The following JAK1 variants were observed in gnomAD, a reference collection of about 807,000 sequenced individuals.
JAK1 encodes the protein tyrosine-protein kinase JAK1.
Under a neutral mutation model 136.6 loss-of-function variants are expected in JAK1, and 16 were observed. The ratio of observed to expected loss-of-function variants is 0.12; its 90% confidence interval spans 0.08 to 0.18. The LOEUF (loss-of-function observed/expected upper bound fraction) is 0.18, where lower values mean the gene tolerates loss of function less well. JAK1 is among the 10% of genes least tolerant of loss of function. The pLI is 1.00. For synonymous variants in JAK1, 492 were observed against 519.5 expected (o/e 0.95, Z 0.72); for missense variants, 859 against 1,450.1 (o/e 0.59, Z 6.62).
intron 1 of JAK1, among the ~76,000 whole-genome samples, chr1:64,913,468 C>G (rs1288315886): frequency 2.6e-5 from 4 of 152,162 alleles, no homozygotes; most frequent in African/African-American, 9.6e-5. Flanking sequence ...GTGCCAGCCT[C>G]TGTGCTAGAA....
At position 64,898,050 on chromosome 1, in the gene JAK1, C is replaced by T. The variant is rs905910464; in HGVS notation, c.-77-11709G>A. On this transcript the variant is annotated intron_variant, in intron 1 of 24. Transcript: ENST00000342505. ...CATTTGAGGGATCCATACCTTTGCC[C>T]CACCTCGCTATACACACATACAAAA... 4.6e-5 allele frequency among the ~76,000 whole-genome samples: 7 copies of T among 151,958 alleles called. No homozygotes were observed. In the East Asian group the frequency reaches 1.2e-3, roughly 25 times the overall value.
intron 4 of JAK1, 66 bp from the exon 5 acceptor site, chr1:64,873,589 G>A (rs1657209716): frequency 6.3e-7 from 1 of 1,592,652 alleles, no homozygotes. Flanking sequence ...GGGCGTCCTG[G>A]CTCACCAACA....
At position 65,053,053 on chromosome 1, in the gene JAK1, A is replaced by AAAG. The variant is rs1553185112; in HGVS notation, c.-180-8472_-180-8471insCTT. Among the ~76,000 whole-genome samples, 134 of 133,780 alleles carry AAAG rather than the reference A, an allele frequency of 1.0e-3. 17 individuals carry two copies. The highest frequency in any genetic ancestry group is 2.9e-3 in the African/African-American group (104 of 35,280). The allele number at this position is 133,780 out of a possible 152,430, so 87.8% of individuals were successfully genotyped here. A position where few individuals can be genotyped will look rare whatever the true frequency, so the allele number is the denominator to read the frequency against. Reference sequence around the variant, plus strand: ...CTCAAAAAAAAAAAAAAAAAAAAAAAAAAGACTAGAGGCTGGGCACAGTGG... The same window carrying AAAG: ...CTCAAAAAAAAAAAAAAAAAAAAAAAAAGAAAGACTAGAGGCTGGGCACAGTGG... On this transcript the variant is annotated intron_variant, in intron 1 of 25. Transcript: ENST00000671954.
intron 3 of JAK1, 117 bp from the exon 4 acceptor site, chr1:64,879,265 A>G: frequency 8.2e-7 from 1 of 1,216,040 alleles, no homozygotes; most frequent in South Asian, 1.5e-5. Flanking sequence ...AATCTGGGTC[A>G]CTCATATCCT....
At chr1:65,010,639 G>A (rs928774938) in intron 2 of JAK1, among the ~76,000 whole-genome samples, 4 of 152,142 alleles carry the variant, frequency 2.6e-5, no homozygotes, top group Admixed American at 1.3e-4. Context: ...AAACATTGGG[G>A]CAATTTGTTA....
intron 1 of JAK1, among the ~76,000 whole-genome samples, chr1:64,890,832 T>C (rs1644924518): frequency 6.6e-6 from 1 of 152,202 alleles, no homozygotes; most frequent in Non-Finnish European, 1.5e-5. Context: ...CCCCATTTCA[T>C]AAAGCTCAGA....
intron 1 of JAK1, among the ~76,000 whole-genome samples, chr1:65,054,353 G>A (rs907314999): frequency 6.6e-6 from 1 of 151,968 alleles, no homozygotes; most frequent in Non-Finnish European, 1.5e-5. Context: ...TATATTGTAT[G>A]TTTATATTTT....
intron 1 of JAK1, among the ~76,000 whole-genome samples, chr1:65,052,909 T>TA (rs1159220085): frequency 3.4e-5 from 5 of 148,374 alleles, no homozygotes; most frequent in African/African-American, 5.0e-5. Flanking sequence ...CGCATGCCTG[T>TA]AATCCCAGCT....
chr1:64,927,520 C>G (rs1051368121), intron 1 of JAK1, among the ~76,000 whole-genome samples: 4 of 152,050 alleles, frequency 2.6e-5, no homozygotes, highest in Non-Finnish European at 5.9e-5. Flanking sequence ...AACTTCAAAC[C>G]CAGATTTGAC....
Position 64,838,024 on chromosome 1 carries a change from T to C in JAK1, c.3048A>G (p.Gln1016=). 2 of 1,614,212 alleles carry C rather than the reference T, an allele frequency of 1.2e-6. No homozygotes were observed. The highest frequency in any genetic ancestry group is 1.7e-6 in the Non-Finnish European group (2 of 1,180,032). Residue 1016 remains glutamine, a synonymous_variant, in exon 22 of 25, where the codon CAA becomes CAG. Transcript: ENST00000342505. The stretch of plus-strand genomic sequence containing the variant: ...TTAAACCGAAGTCTCCAATTTTCAC[T>C]TGGTGTTCACTCTCAACAAGGACAT... ...ARNVLVESEH[Q]VKIGDFGLTK... is the part of the protein sequence containing the mutation.
intron 1 of JAK1, among the ~76,000 whole-genome samples, chr1:64,950,046 A>G (rs992282864): frequency 6.6e-6 from 1 of 152,258 alleles, no homozygotes; most frequent in East Asian, 1.9e-4. Context: ...TACAGTACAT[A>G]TTTATACATT....
intron 3 of JAK1, among the ~76,000 whole-genome samples, chr1:64,880,665 A>C (rs1644757037): frequency 6.6e-6 from 1 of 152,100 alleles, no homozygotes; most frequent in Non-Finnish European, 1.5e-5. Context: ...AGGCAAACAG[A>C]CTCTAAATTT....
At chr1:65,017,947 T>C (rs1045026113) in intron 2 of JAK1, among the ~76,000 whole-genome samples, 1 of 152,034 alleles carries the variant, frequency 6.6e-6, no homozygotes, top group Non-Finnish European at 1.5e-5. Context: ...GTAGCTGGGA[T>C]TACAGGTGTC....
chr1:65,043,813 C>G (rs750307852), intron 2 of JAK1, among the ~76,000 whole-genome samples: 1 of 151,508 alleles, frequency 6.6e-6, no homozygotes, highest in Non-Finnish European at 1.5e-5. Flanking sequence ...ACCTCCGCCT[C>G]CTGGAGTCAA....
Position 64,850,801 on chromosome 1 carries a change from C to T in JAK1, c.1755+3G>A. 1 of 1,610,634 alleles carries T rather than the reference C, an allele frequency of 6.2e-7. No homozygotes were observed. Among genetic ancestry groups the T allele is most frequent in the South Asian group, 1.1e-5 (1 of 90,954 alleles). On this transcript the variant is annotated splice_donor_region_variant and intron_variant, in intron 12 of 24. Coordinates refer to ENST00000342505, the MANE Select transcript of JAK1 (RefSeq NM_002227.4). ...TGGCCCACACCCTGCAGCCGTGACT[C>T]ACCTGCACCAGATCCTTCTTGAGGA...
intron 1 of JAK1, among the ~76,000 whole-genome samples, chr1:64,934,523 C>T (rs183528704): frequency 2.4e-4 from 37 of 152,296 alleles, no homozygotes; most frequent in Non-Finnish European, 1.3e-4. Context: ...AGCTTGGCAG[C>T]CATTACGAAA....
At chr1:65,037,928 C>A (rs1043803048) in intron 2 of JAK1, among the ~76,000 whole-genome samples, 1 of 152,096 alleles carries the variant, frequency 6.6e-6, no homozygotes, top group Non-Finnish European at 1.5e-5. Context: ...TGGCTGCCCA[C>A]CCTCTGCTTG....
intron 1 of JAK1, among the ~76,000 whole-genome samples, chr1:64,925,139 G>A (rs560939470): frequency 6.6e-6 from 1 of 152,086 alleles, no homozygotes; most frequent in Non-Finnish European, 1.5e-5. Flanking sequence ...GCTCATGCCT[G>A]TAATCCCAGC....
At chr1:65,028,395 A>G (rs555237325) in intron 2 of JAK1, among the ~76,000 whole-genome samples, 5 of 150,500 alleles carry the variant, frequency 3.3e-5, no homozygotes, top group Non-Finnish European at 5.9e-5. Flanking sequence ...CTGCTGTTCT[A>G]TCCCTAGCAC....
Sources: allele counts gnomAD v4.1 joint callset (sites outside exome capture counted in the v4.1 genomes callset), GRCh38; gene constraint gnomAD v4.1.1; transcripts MANE v1.5; gene names NCBI Gene and HGNC (gene_info 2026-07-23, HGNC 2026-07-21).